PPP1R21: variants seen among roughly 807,000 people sequenced by gnomAD.
PPP1R21 encodes the protein protein phosphatase 1 regulatory subunit 21, also known as KLRAQ motif containing 1.
In PPP1R21, 85 loss-of-function variants were observed where a neutral mutation model predicts 112.8. The observed-to-expected ratio is 0.75, with a 90% CI of 0.63 to 0.90. The LOEUF (loss-of-function observed/expected upper bound fraction) is 0.90, where lower values mean the gene tolerates loss of function less well. PPP1R21 is among the 40% of genes least tolerant of loss of function. PPP1R21 has a pLI of 0.00. For missense variants in PPP1R21, 1,199 were observed against 901.5 expected, an observed-to-expected ratio of 1.33 and a Z score of -4.23; for synonymous variants, 381 against 322.3, an observed-to-expected ratio of 1.18 and a Z score of -1.95.
intron 15 of PPP1R21, among the ~76,000 whole-genome samples, chr2:48,491,653 ATATATT>A (rs1223898261): frequency 6.6e-6 from 1 of 152,194 alleles, no homozygotes; most frequent in East Asian, 1.9e-4. Context: ...TTAGAAAACA[ATATATT>A]TATATCCAAA....
In PPP1R21 at chr2:48,486,755, A is replaced by G; in HGVS notation, c.1443A>G (p.Gly481=). ...TAGTGGCATTAACAAATGGAGCAGG[A>G]AAGGTAATTCTCTTCTGGCGTATAT... The part of the protein sequence containing the change: ...SSVVALTNGA[G]KIASFFSNNL... The change falls in exon 14 of 22, where the codon GGA becomes GGG. Residue 481 remains glycine (G), a synonymous_variant. Transcript: ENST00000294952. The G allele has an allele frequency of 1.2e-6, 2 of 1,612,352 alleles. No homozygotes were observed. The highest frequency in any genetic ancestry group is 1.7e-6 in the Non-Finnish European group (2 of 1,179,364).
intron 12 of PPP1R21, chr2:48,479,608 G>C: frequency 1.8e-6 from 1 of 546,160 alleles, no homozygotes; most frequent in Admixed American, 2.2e-5. Flanking sequence ...AATGAAAAAT[G>C]CATTATATAA....
intron 5 of PPP1R21, 83 bp from the exon 6 acceptor site, chr2:48,460,012 C>G: frequency 6.3e-7 from 1 of 1,593,324 alleles, no homozygotes; most frequent in Non-Finnish European, 8.6e-7. Context: ...TCTGGTGAGA[C>G]TTTTGCCTGC....
At position 48,514,758 on chromosome 2, in the gene PPP1R21, G is replaced by C. The variant is rs753937822; in HGVS notation, c.*14G>C. 1.2e-6 allele frequency: 2 copies of C among 1,612,752 alleles called. No individual in the cohort carries two copies. On this transcript the variant is annotated 3_prime_UTR_variant, in exon 22 of 22. Coordinates refer to ENST00000294952, the MANE Select transcript of PPP1R21 (RefSeq NM_001135629.3). ...AAGAGTCGATAGTTTTGAAATAGCT[G>C]GTTGGCGACTGTTCTTTCCAGACCT...
intron 12 of PPP1R21, among the ~76,000 whole-genome samples, chr2:48,478,008 G>C (rs994270316): frequency 2.6e-5 from 4 of 152,154 alleles, no homozygotes; most frequent in African/African-American, 4.8e-5. Context: ...TCGAGACAGA[G>C]ACACACAGAA....
In PPP1R21 at chr2:48,502,246, G is replaced by C. The variant is rs559028039; in HGVS notation, c.1936-3318G>C. 4.1e-4 allele frequency among the ~76,000 whole-genome samples: 62 copies of C among 152,322 alleles called. 1 individual carries two copies. Among genetic ancestry groups the C allele is most frequent in the Admixed American group, 3.7e-3 (57 of 15,304 alleles). ...TAGAAGTTGCTATTTAAATCAACTA[G>C]TTAGTGTAGGGGTGGAAAGGACCTG... is the stretch of plus-strand genomic sequence containing the variant. On this transcript the variant is annotated intron_variant, in intron 17 of 21. Coordinates refer to ENST00000294952, the MANE Select transcript of PPP1R21 (RefSeq NM_001135629.3).
Position 48,511,370 on chromosome 2 carries a change from G to A in PPP1R21, c.2215G>A (p.Glu739Lys), listed in dbSNP as rs146723804. The part of the protein sequence containing the change: ...DELTTTKRSY[E>K]DQLSMMSDHL... ...GCTGACAACTACCAAGAGGAGTTAC[G>A]AGGATCAGTTAAGTATGATGAGTGA... The change falls in exon 21 of 22, where the codon GAG (glutamate) becomes AAG (lysine). Residue 739 changes from glutamate (E) to lysine (K), a missense_variant. Physicochemically the swap from Glu to Lys is moderately conservative, Grantham distance 56. Transcript: ENST00000294952. The A allele has an allele frequency of 8.1e-6, 13 of 1,613,748 alleles. No homozygotes were observed. Among genetic ancestry groups the A allele is most frequent in the African/African-American group, 8.0e-5 (6 of 74,860 alleles).
chr2:48,460,719 CAGAA>C (rs995584062), intron 6 of PPP1R21, among the ~76,000 whole-genome samples: 28 of 130,418 alleles, frequency 2.1e-4, no homozygotes, highest in African/African-American at 4.2e-4. Flanking sequence ...GAACCAAACA[CAGAA>C]AGAGTTCAAG....
chr2:48,495,351 G>A (rs1032788661), intron 15 of PPP1R21, among the ~76,000 whole-genome samples: 7 of 152,150 alleles, frequency 4.6e-5, no homozygotes, highest in African/African-American at 7.2e-5. Flanking sequence ...CTACAGGCGC[G>A]TGCCACCATA....
intron 2 of PPP1R21, among the ~76,000 whole-genome samples, chr2:48,453,951 G>C (rs1667596175): frequency 2.0e-5 from 3 of 152,000 alleles, no homozygotes; most frequent in Admixed American, 2.0e-4. Context: ...CAGTAAATCT[G>C]AGGTTCTTTT....
intron 4 of PPP1R21, among the ~76,000 whole-genome samples, chr2:48,459,142 C>T (rs983904978): frequency 2.7e-5 from 4 of 148,378 alleles, no homozygotes; most frequent in East Asian, 3.9e-4. Flanking sequence ...CCAACTATAA[C>T]CTCCTTACTT....
intron 9 of PPP1R21, among the ~76,000 whole-genome samples, chr2:48,468,426 T>A (rs1668300246): frequency 6.6e-6 from 1 of 152,162 alleles, no homozygotes; most frequent in Non-Finnish European, 1.5e-5. Context: ...AATATCACTG[T>A]GGGAAAAAGC....
Position 48,471,148 on chromosome 2 carries a change from A to G in PPP1R21, c.959A>G (p.His320Arg), listed in dbSNP as rs148817090. 3.5e-4 allele frequency: 558 copies of G among 1,613,380 alleles called. No individual in the cohort carries two copies. The highest frequency in any genetic ancestry group is 2.0e-3 in the Middle Eastern group (12 of 6,056). Residue 320 changes from histidine to arginine, a missense_variant, in exon 10 of 22, where the codon CAT becomes CGT. By Grantham distance (29) the His-to-Arg change is conservative. Transcript: ENST00000294952. Reference protein sequence around the residue: ...YVRPLEEGMLHLFESITEDTV... With the variant: ...YVRPLEEGMLRLFESITEDTV... Reference sequence around the variant, plus strand: ...CGCCCTCTTGAGGAAGGAATGCTTCATTTATTTGAAAGTATCACTGAGGAT... The same window carrying G: ...CGCCCTCTTGAGGAAGGAATGCTTCGTTTATTTGAAAGTATCACTGAGGAT...
chr2:48,445,341 A>ACTT (rs1667202637), intron 1 of PPP1R21, among the ~76,000 whole-genome samples: 1 of 152,070 alleles, frequency 6.6e-6, no homozygotes, highest in Admixed American at 6.6e-5. Flanking sequence ...TGACTGAGGA[A>ACTT]CTGAATTTTA....
chr2:48,460,456 G>T (rs970737406), intron 6 of PPP1R21, among the ~76,000 whole-genome samples: 6 of 152,146 alleles, frequency 3.9e-5, no homozygotes, highest in African/African-American at 1.4e-4. Flanking sequence ...GCCTCTGATA[G>T]TCCCAGGAAG....
intron 17 of PPP1R21, 128 bp from the exon 18 acceptor site, chr2:48,505,436 G>A (rs1670330280): frequency 4.2e-6 from 3 of 713,436 alleles, no homozygotes; most frequent in East Asian, 5.4e-5. Flanking sequence ...GACAGTCCAA[G>A]GATGATCTTC....
Position 48,440,809 on chromosome 2 carries a change from A to C in PPP1R21, c.-145A>C, listed in dbSNP as rs991426706. The C allele has an allele frequency of 4.7e-6, 3 of 634,756 alleles. No individual in the cohort carries two copies. The highest frequency in any genetic ancestry group is 8.4e-6 in the Non-Finnish European group (3 of 358,034). 39.3% of individuals were successfully genotyped at this position (634,756 alleles called of 1,614,324 possible). Reference sequence around the variant, plus strand: ...CCCGGGAACCCGGAAGTGGAGGAGGAGGCGCGGCGGCGGCGGCGGCGGCGG... The same window carrying C: ...CCCGGGAACCCGGAAGTGGAGGAGGCGGCGCGGCGGCGGCGGCGGCGGCGG... On this transcript the variant is annotated 5_prime_UTR_variant, in exon 1 of 22. Transcript: ENST00000294952.
intron 13 of PPP1R21, 81 bp downstream of exon 13, chr2:48,480,097 T>G: frequency 3.1e-6 from 3 of 960,442 alleles, no homozygotes; most frequent in Non-Finnish European, 5.1e-6. Context: ...AAACAAACAC[T>G]GCCAAGGGTA....
At chr2:48,441,510 G>A (rs147390417) in intron 1 of PPP1R21, 1 of 194,512 alleles carries the variant, frequency 5.1e-6, no homozygotes, top group East Asian at 1.9e-4. Context: ...CACTAGGGAT[G>A]GGTGGTTATG....
Sources: allele counts gnomAD v4.1 joint callset (sites outside exome capture counted in the v4.1 genomes callset), GRCh38; gene constraint gnomAD v4.1.1; transcripts MANE v1.5; gene names NCBI Gene and HGNC (gene_info 2026-07-23, HGNC 2026-07-21).